The following KLF12 variants were observed in gnomAD, a reference collection of about 807,000 sequenced individuals.
The protein encoded by KLF12 is Krueppel-like factor 12.
Under a neutral mutation model 37.8 loss-of-function variants are expected in KLF12, and 9 were observed. That is an observed-to-expected ratio of 0.24 (90% CI 0.14 to 0.42). KLF12 has a LOEUF of 0.42. KLF12 is among the 10% of genes least tolerant of loss of function. The pLI, the probability that KLF12 is intolerant of heterozygous loss-of-function variation, is 1.00. For missense variants in KLF12, 411 were observed against 516.0 expected, an observed-to-expected ratio of 0.80 and a Z score of 1.97; for synonymous variants, 208 against 202.1, an observed-to-expected ratio of 1.03 and a Z score of -0.25.
intron 1 of KLF12, among the ~76,000 whole-genome samples, chr13:74,086,901 T>C (rs1354874757): frequency 2.6e-5 from 4 of 152,240 alleles, no homozygotes; most frequent in South Asian, 4.2e-4. Flanking sequence ...AGAAAATATA[T>C]GTACTCTTCA....
chr13:73,876,907 C>T (rs1886732437), intron 3 of KLF12, among the ~76,000 whole-genome samples: 1 of 151,286 alleles, frequency 6.6e-6, no homozygotes, highest in Non-Finnish European at 1.5e-5. Context: ...CCCAGCTACT[C>T]GGGAGGCTGA....
At chr13:74,121,575 G>A (rs1245956710) in intron 1 of KLF12, among the ~76,000 whole-genome samples, 1 of 151,748 alleles carries the variant, frequency 6.6e-6, no homozygotes, top group African/African-American at 2.4e-5. Context: ...AATAAAACAC[G>A]AGCAAATGAA....
At chr13:74,083,376 G>A (rs1351400012) in intron 1 of KLF12, among the ~76,000 whole-genome samples, 2 of 151,906 alleles carry the variant, frequency 1.3e-5, no homozygotes, top group African/African-American at 2.4e-5. Context: ...GTATGGTGAC[G>A]CGTGCCTGTA....
the KLF12 span, among the ~76,000 whole-genome samples, chr13:74,253,021 A>ATCTG: frequency 2.2e-4 from 19 of 86,974 alleles, no homozygotes; most frequent in South Asian, 7.0e-4. Flanking sequence ...CTATCTATCT[A>ATCTG]TCTGTCTGTC....
chr13:74,188,143 A>G, the KLF12 span, among the ~76,000 whole-genome samples: 1 of 152,198 alleles, frequency 6.6e-6, no homozygotes, highest in East Asian at 1.9e-4. Context: ...AAGTAGGTTT[A>G]GTATAGTTGT....
chr13:73,873,355 T>C (rs1270860863), intron 3 of KLF12, among the ~76,000 whole-genome samples: 3 of 152,192 alleles, frequency 2.0e-5, no homozygotes, highest in African/African-American at 4.8e-5. Flanking sequence ...TTCTTAAATA[T>C]GGCTTGAGAT....
intron 4 of KLF12, among the ~76,000 whole-genome samples, chr13:73,820,152 G>A (rs903812495): frequency 6.6e-6 from 1 of 152,118 alleles, no homozygotes; most frequent in East Asian, 1.9e-4. Flanking sequence ...GGCTATCTCT[G>A]CCTGGAGCAT....
chr13:74,170,926 G>A, the KLF12 span, among the ~76,000 whole-genome samples: 2 of 152,066 alleles, frequency 1.3e-5, no homozygotes, highest in East Asian at 1.9e-4. Flanking sequence ...CACCATGCCC[G>A]GCAAATTTTT....
At chr13:73,987,807 TG>T (rs1178850820) in intron 2 of KLF12, among the ~76,000 whole-genome samples, 3 of 39,940 alleles carry the variant, frequency 7.5e-5, no homozygotes, top group Non-Finnish European at 1.4e-4. Flanking sequence ...AGAGAGAAAG[TG>T]GGGGGGTAGA....
chr13:74,158,878 A>G, the KLF12 span, among the ~76,000 whole-genome samples: 1 of 152,194 alleles, frequency 6.6e-6, no homozygotes, highest in Non-Finnish European at 1.5e-5. Context: ...ATGAACTAGT[A>G]AAAAGTCACC....
At chr13:74,212,727 G>C in the KLF12 span, among the ~76,000 whole-genome samples, 1 of 151,948 alleles carries the variant, frequency 6.6e-6, no homozygotes, top group Admixed American at 6.6e-5. Flanking sequence ...AAGTGGAAGA[G>C]ACAAAAAAGG....
At chr13:73,848,680 A>G (rs1885157083) in intron 3 of KLF12, among the ~76,000 whole-genome samples, 1 of 151,632 alleles carries the variant, frequency 6.6e-6, no homozygotes, top group South Asian at 2.1e-4. Flanking sequence ...CCAAATATTA[A>G]GAGCCCCTAG....
At chr13:73,944,644 G>C (rs1002847988) in intron 2 of KLF12, among the ~76,000 whole-genome samples, 5 of 152,226 alleles carry the variant, frequency 3.3e-5, no homozygotes, top group African/African-American at 1.2e-4. Flanking sequence ...TAGATTAAGA[G>C]TGAATTTTTA....
At chr13:74,198,427 T>A in the KLF12 span, among the ~76,000 whole-genome samples, 1 of 152,192 alleles carries the variant, frequency 6.6e-6, no homozygotes, top group East Asian at 1.9e-4. Flanking sequence ...ATGTGGCACC[T>A]TGTAGACCGG....
chr13:74,202,870 T>G, the KLF12 span, among the ~76,000 whole-genome samples: 5 of 152,090 alleles, frequency 3.3e-5, no homozygotes, highest in African/African-American at 1.2e-4. Flanking sequence ...GGATTAATGC[T>G]TCTTTCCTAA....
intron 5 of KLF12, among the ~76,000 whole-genome samples, chr13:73,811,282 T>C (rs990301658): frequency 2.0e-5 from 3 of 152,018 alleles, no homozygotes; most frequent in Non-Finnish European, 4.4e-5. Context: ...AATGTTTTTA[T>C]AAGTGCTCAA....
the KLF12 span, among the ~76,000 whole-genome samples, chr13:74,278,942 A>G: frequency 6.6e-6 from 1 of 152,086 alleles, no homozygotes; most frequent in African/African-American, 2.4e-5. Flanking sequence ...ATACCCCACC[A>G]CTTTCCATGG....
chr13:73,835,146 C>T (rs1884365390), intron 4 of KLF12, among the ~76,000 whole-genome samples: 1 of 149,204 alleles, frequency 6.7e-6, no homozygotes, highest in African/African-American at 2.5e-5. Context: ...AAGTAGATAA[C>T]TTAGGTCTCG....
At chr13:74,300,272 A>G in the KLF12 span, among the ~76,000 whole-genome samples, 1 of 152,262 alleles carries the variant, frequency 6.6e-6, no homozygotes, top group South Asian at 2.1e-4. Flanking sequence ...TGGCTTCCTG[A>G]CTCATACATC....
Sources: allele counts gnomAD v4.1 joint callset (sites outside exome capture counted in the v4.1 genomes callset), GRCh38; gene constraint gnomAD v4.1.1; transcripts MANE v1.5; gene names NCBI Gene and HGNC (gene_info 2026-07-23, HGNC 2026-07-21).